NCOA3: variants seen among roughly 807,000 people sequenced by gnomAD.
NCOA3 encodes the protein CBP-interacting protein.
NCOA3 carries 51 observed loss-of-function variants against 158.8 expected under a neutral mutation model. The observed-to-expected ratio is 0.32, with a 90% confidence interval of 0.26 to 0.41. NCOA3 has a LOEUF of 0.41. Among genes scored for constraint, NCOA3 ranks in the 10% least tolerant of loss-of-function variants. The pLI, the probability that NCOA3 is intolerant of heterozygous loss-of-function variation, is 1.00. For synonymous variants in NCOA3, 537 were observed against 592.4 expected, an observed-to-expected ratio of 0.91 and a Z score of 1.36; for missense variants, 1,510 against 1,746.6, an observed-to-expected ratio of 0.86 and a Z score of 2.41.
At chr20:47,594,148 A>T (rs2085702877) in intron 2 of NCOA3, among the ~76,000 whole-genome samples, 1 of 152,196 alleles carries the variant, frequency 6.6e-6, no homozygotes, top group Non-Finnish European at 1.5e-5. Context: ...TTAAAGCCAG[A>T]AAACACATGT....
chr20:47,599,926 A>G (rs1044441671), intron 2 of NCOA3, among the ~76,000 whole-genome samples: 11 of 152,264 alleles, frequency 7.2e-5, no homozygotes, highest in Admixed American at 5.9e-4. Flanking sequence ...ATCTTGCGCA[A>G]TGCCTCCAGA....
chr20:47,506,275 C>T (rs1289788172), intron 1 of NCOA3, among the ~76,000 whole-genome samples: 4 of 152,126 alleles, frequency 2.6e-5, no homozygotes, highest in Non-Finnish European at 4.4e-5. Context: ...GAGAGGGTTT[C>T]TGGGAGAAGA....
intron 1 of NCOA3, among the ~76,000 whole-genome samples, chr20:47,569,798 C>CAG (rs2085261995): frequency 6.6e-6 from 1 of 152,104 alleles, no homozygotes; most frequent in African/African-American, 2.4e-5. Context: ...ATCACAAGGT[C>CAG]AGGAGATCAA....
intron 8 of NCOA3, among the ~76,000 whole-genome samples, chr20:47,631,868 G>C (rs969750376): frequency 3.9e-5 from 6 of 152,152 alleles, no homozygotes; most frequent in Admixed American, 6.6e-5. Context: ...TATATATTCT[G>C]TACAGCATTT....
At chr20:47,620,958 C>T (rs1406739866) in intron 2 of NCOA3, among the ~76,000 whole-genome samples, 1 of 152,150 alleles carries the variant, frequency 6.6e-6, no homozygotes, top group African/African-American at 2.4e-5. Context: ...TTTGAAAATA[C>T]AATACCCCTG....
intron 1 of NCOA3, among the ~76,000 whole-genome samples, chr20:47,537,703 CTGAG>C (rs1190347428): frequency 2.0e-5 from 3 of 151,806 alleles, no homozygotes; most frequent in African/African-American, 4.8e-5. Context: ...CCTCAGCCTC[CTGAG>C]TATCTGGGAC....
At position 47,627,024 on chromosome 20, in the gene NCOA3, T is replaced by C. The variant is rs1034169361; in HGVS notation, c.380T>C (p.Val127Ala). Residue 127 changes from valine to alanine, a missense_variant, in exon 6 of 23, where the codon GTG becomes GCG. Val to Ala is a moderately conservative substitution (Grantham distance 64). Coordinates refer to ENST00000371998, the MANE Select transcript of NCOA3 (RefSeq NM_181659.3). ...TAGGCATTGGATGGTTTCCTATTTG[T>C]GGTGAATCGAGACGGAAACATTGTA... ...LLQALDGFLF[V>A]VNRDGNIVFV... 2.5e-5 allele frequency: 41 copies of C among 1,612,792 alleles called. No homozygotes were observed. Among genetic ancestry groups the C allele is most frequent in the Non-Finnish European group, 3.4e-5 (40 of 1,179,538 alleles).
At chr20:47,611,585 A>G (rs2086044328) in intron 2 of NCOA3, among the ~76,000 whole-genome samples, 1 of 152,142 alleles carries the variant, frequency 6.6e-6, no homozygotes, top group Non-Finnish European at 1.5e-5. Context: ...TGAGGTCAGG[A>G]GTTCGAGACC....
At chr20:47,542,028 T>TTTTTTTTTGTTGTTG (rs563096988) in intron 1 of NCOA3, among the ~76,000 whole-genome samples, 2 of 81,770 alleles carry the variant, frequency 2.4e-5, no homozygotes, top group Non-Finnish European at 5.1e-5. Context: ...TTTTTTTTTT[T>TTTTTTTTTGTTGTTG]TTGTTGTTGT....
intron 1 of NCOA3, among the ~76,000 whole-genome samples, chr20:47,504,739 GGTTGCA>G (rs1288699801): frequency 6.6e-6 from 1 of 151,244 alleles, no homozygotes; most frequent in African/African-American, 2.4e-5. Flanking sequence ...GGGAGGCGGA[GGTTGCA>G]GTGAGCCGAG....
intron 17 of NCOA3, among the ~76,000 whole-genome samples, chr20:47,643,948 C>T (rs529070427): frequency 3.0e-4 from 46 of 151,230 alleles, no homozygotes; most frequent in East Asian, 1.4e-3. Context: ...TTTTTCTCTC[C>T]GAAATTTTAT....
chr20:47,579,788 T>G (rs2146215324), intron 1 of NCOA3, among the ~76,000 whole-genome samples: 1 of 152,276 alleles, frequency 6.6e-6, no homozygotes, highest in South Asian at 2.1e-4. Flanking sequence ...AGCACCAAGT[T>G]TTTGTAGGAA....
intron 19 of NCOA3, 71 bp downstream of exon 19, chr20:47,649,180 C>A: frequency 1.1e-6 from 1 of 881,588 alleles, no homozygotes; most frequent in South Asian, 1.9e-5. Flanking sequence ...GGTTGGCTCT[C>A]AGTAAATGTT....
At chr20:47,602,275 A>G (rs763503080) in intron 2 of NCOA3, among the ~76,000 whole-genome samples, 1 of 152,244 alleles carries the variant, frequency 6.6e-6, no homozygotes, top group East Asian at 1.9e-4. Flanking sequence ...AATGGTAGAA[A>G]TTAACTTTTT....
chr20:47,548,726 A>G (rs1027183789), intron 1 of NCOA3, among the ~76,000 whole-genome samples: 8 of 152,066 alleles, frequency 5.3e-5, no homozygotes, highest in African/African-American at 1.7e-4. Context: ...GTTTCAGCAA[A>G]TCAGTAGAGT....
chr20:47,587,525 A>G (rs1017850713), intron 2 of NCOA3, among the ~76,000 whole-genome samples: 2 of 152,250 alleles, frequency 1.3e-5, no homozygotes, highest in African/African-American at 2.4e-5. Context: ...AAATCTGCTG[A>G]TGCTTAAGTT....
intron 1 of NCOA3, among the ~76,000 whole-genome samples, chr20:47,545,328 T>C (rs1204799152): frequency 6.6e-6 from 1 of 151,642 alleles, no homozygotes; most frequent in Non-Finnish European, 1.5e-5. Context: ...AGGCATGTAC[T>C]ACCACGCCCA....
In NCOA3 at chr20:47,647,157, C is replaced by G; in HGVS notation, c.3337C>G (p.Gln1113Glu). The change falls in exon 18 of 23, where the codon CAG becomes GAG. Residue 1113 changes from glutamine (Q) to glutamate (E), a missense_variant. Physicochemically the swap from Gln to Glu is conservative, Grantham distance 29. Transcript: ENST00000371998. The part of the protein sequence containing the change: ...MMDQKAGLYG[Q>E]TYPAQGPPMQ... ...GGATCAGAAGGCAGGATTATATGGA[C>G]AGACATACCCAGCACAGGGGCCTCC... is the stretch of plus-strand genomic sequence containing the variant. 3 of 1,614,156 alleles carry G rather than the reference C, an allele frequency of 1.9e-6. No individual in the cohort carries two copies. Among genetic ancestry groups the G allele is most frequent in the Non-Finnish European group, 2.5e-6 (3 of 1,180,008 alleles).
intron 12 of NCOA3, 41 bp downstream of exon 12, chr20:47,636,803 T>G: frequency 6.6e-7 from 1 of 1,516,814 alleles, no homozygotes; most frequent in Non-Finnish European, 8.9e-7. Context: ...ATTTCATCAT[T>G]TTTCGGTGTT....
Sources: gnomAD v4.1 joint callset for allele counts (sites outside exome capture counted in the v4.1 genomes callset) on GRCh38, gnomAD v4.1.1 for gene constraint, MANE v1.5 for transcripts, NCBI Gene and HGNC (gene_info 2026-07-23, HGNC 2026-07-21) for gene names.